PGCKA1: variants seen among roughly 807,000 people sequenced by gnomAD.
The protein encoded by PGCKA1 is PDCD10 and GCKIII kinases-associated protein 1.
At chr4:37,460,097 T>C in the PGCKA1 span, among the ~76,000 whole-genome samples, 2 of 152,198 alleles carry the variant, frequency 1.3e-5, no homozygotes, top group Non-Finnish European at 2.9e-5. Flanking sequence ...TTTGGTTTTC[T>C]GCTCCTGTGT....
chr4:37,592,353 G>GGAA, the PGCKA1 span, among the ~76,000 whole-genome samples: 15 of 108,194 alleles, frequency 1.4e-4, 2 homozygotes, highest in Non-Finnish European at 1.2e-4. Flanking sequence ...CCATCTCTAT[G>GGAA]AAAAAAAAAA....
At chr4:37,487,404 A>G in the PGCKA1 span, among the ~76,000 whole-genome samples, 2 of 152,206 alleles carry the variant, frequency 1.3e-5, no homozygotes, top group African/African-American at 4.8e-5. Flanking sequence ...ATTTCAGAGC[A>G]AGTTGCAAAC....
the PGCKA1 span, among the ~76,000 whole-genome samples, chr4:37,469,959 A>G: frequency 6.6e-6 from 1 of 152,230 alleles, no homozygotes; most frequent in Non-Finnish European, 1.5e-5. Flanking sequence ...TTTTATGCCA[A>G]TACTATGACA....
the PGCKA1 span, among the ~76,000 whole-genome samples, chr4:37,493,645 A>G: frequency 6.6e-6 from 1 of 152,206 alleles, no homozygotes; most frequent in Non-Finnish European, 1.5e-5. Context: ...CAGGAAAGTG[A>G]ATACTAGGTC....
chr4:37,524,926 AG>A, the PGCKA1 span, among the ~76,000 whole-genome samples: 1 of 152,158 alleles, frequency 6.6e-6, no homozygotes, highest in Non-Finnish European at 1.5e-5. Flanking sequence ...AGGGAAGGGA[AG>A]GGAAGGGAAA....
chr4:37,510,084 A>G, the PGCKA1 span, among the ~76,000 whole-genome samples: 1 of 152,120 alleles, frequency 6.6e-6, no homozygotes, highest in South Asian at 2.1e-4. Context: ...TCTCTTTGTT[A>G]AATTTATCTG....
chr4:37,487,767 A>G, the PGCKA1 span, among the ~76,000 whole-genome samples: 1 of 152,108 alleles, frequency 6.6e-6, no homozygotes, highest in South Asian at 2.1e-4. Flanking sequence ...CATTTGTATG[A>G]TTACATATAT....
the PGCKA1 span, among the ~76,000 whole-genome samples, chr4:37,522,749 G>C: frequency 2.2e-4 from 33 of 152,132 alleles, 1 homozygote; most frequent in South Asian, 5.2e-3. Flanking sequence ...TTTCCCTTCT[G>C]ACCTGGGATG....
chr4:37,543,188 A>G, the PGCKA1 span, among the ~76,000 whole-genome samples: 1 of 146,056 alleles, frequency 6.8e-6, no homozygotes, highest in African/African-American at 2.4e-5. Flanking sequence ...TACTTCTATT[A>G]CTATTTCTTT....
the PGCKA1 span, among the ~76,000 whole-genome samples, chr4:37,549,957 A>G: frequency 1.3e-5 from 2 of 152,178 alleles, no homozygotes; most frequent in Non-Finnish European, 2.9e-5. Context: ...TACAGTAAGG[A>G]CTTCAACTGA....
the PGCKA1 span, among the ~76,000 whole-genome samples, chr4:37,485,281 C>T: frequency 6.6e-6 from 1 of 152,134 alleles, no homozygotes; most frequent in Non-Finnish European, 1.5e-5. Flanking sequence ...GACACTTAAT[C>T]CCCAGAGCCA....
the PGCKA1 span, among the ~76,000 whole-genome samples, chr4:37,516,726 C>T: frequency 6.6e-6 from 1 of 152,162 alleles, no homozygotes; most frequent in African/African-American, 2.4e-5. Context: ...AAGTTCCATG[C>T]ATTTAAAATT....
the PGCKA1 span, among the ~76,000 whole-genome samples, chr4:37,557,331 T>C: frequency 6.6e-6 from 1 of 152,232 alleles, no homozygotes; most frequent in African/African-American, 2.4e-5. Context: ...CACATTGTCA[T>C]GTAATGTTTA....
At chr4:37,581,735 T>G in the PGCKA1 span, among the ~76,000 whole-genome samples, 6 of 152,166 alleles carry the variant, frequency 3.9e-5, no homozygotes, top group Admixed American at 6.5e-5. This position sits in a 1 kb window ranked among gnomAD's most constrained non-coding sequence, Gnocchi z 4.4. Context: ...AGGTTCTCCC[T>G]TAGCCACTCT....
the PGCKA1 span, among the ~76,000 whole-genome samples, chr4:37,509,498 C>T: frequency 2.7e-5 from 4 of 149,532 alleles, no homozygotes; most frequent in African/African-American, 5.0e-5. Flanking sequence ...CGGGAAGAGG[C>T]GCTCCTCACT....
At chr4:37,458,493 TTTCCTCCATGCA>T in the PGCKA1 span, among the ~76,000 whole-genome samples, 1 of 152,162 alleles carries the variant, frequency 6.6e-6, no homozygotes, top group Non-Finnish European at 1.5e-5. Context: ...TCTTTTCCAG[TTTCCTCCATGCA>T]TCTGTGGACA....
At chr4:37,477,910 G>A in the PGCKA1 span, among the ~76,000 whole-genome samples, 32 of 152,196 alleles carry the variant, frequency 2.1e-4, no homozygotes, top group Admixed American at 5.9e-4. Context: ...TGTGATCTGC[G>A]AGCAGTATCC....
At chr4:37,577,374 G>C in the PGCKA1 span, among the ~76,000 whole-genome samples, 1 of 152,008 alleles carries the variant, frequency 6.6e-6, no homozygotes, top group Non-Finnish European at 1.5e-5. Context: ...ATTGTTCATA[G>C]TAGCCACTAA....
At chr4:37,489,049 A>C in the PGCKA1 span, among the ~76,000 whole-genome samples, 1 of 152,172 alleles carries the variant, frequency 6.6e-6, no homozygotes, top group Non-Finnish European at 1.5e-5. Context: ...TTGAGTATGC[A>C]TGGATTTTGG....
Sources: allele counts gnomAD v4.1 joint callset (sites outside exome capture counted in the v4.1 genomes callset), GRCh38; gene constraint gnomAD v4.1.1; non-coding constraint Gnocchi (gnomAD v3.1); transcripts MANE v1.5; gene names NCBI Gene and HGNC (gene_info 2026-07-23, HGNC 2026-07-21).